The following CDH13 variants were observed in gnomAD, a reference collection of about 807,000 sequenced individuals.
The protein encoded by CDH13 is cadherin-13.
In CDH13, 24 loss-of-function variants were observed where a neutral mutation model predicts 63.8. The ratio of observed to expected loss-of-function variants is 0.38; its 90% CI spans 0.27 to 0.53. The LOEUF (loss-of-function observed/expected upper bound fraction) is 0.53, where lower values mean the gene tolerates loss of function less well. Among genes scored for constraint, CDH13 ranks in the 20% least tolerant of loss-of-function variants. CDH13 has a pLI of 0.85. For missense variants in CDH13, 1,049 were observed against 903.1 expected (o/e 1.16, Z -2.07); for synonymous variants, 503 against 355.3 (o/e 1.42, Z -4.67).
intron 2 of CDH13, among the ~76,000 whole-genome samples, chr16:82,860,323 G>A (rs2039885127): frequency 6.9e-6 from 1 of 144,794 alleles, no homozygotes; most frequent in African/African-American, 2.6e-5. Flanking sequence ...ATACTTTGGG[G>A]GGATCTTTTT....
chr16:83,315,978 A>T (rs918259567), intron 5 of CDH13, among the ~76,000 whole-genome samples: 7 of 152,232 alleles, frequency 4.6e-5, no homozygotes, highest in African/African-American at 1.7e-4. Context: ...TGGGTAATTT[A>T]TAAAGGAAAG....
chr16:83,163,436 C>T (rs372498371), intron 4 of CDH13, among the ~76,000 whole-genome samples: 42 of 152,136 alleles, frequency 2.8e-4, no homozygotes, highest in African/African-American at 9.6e-4. Flanking sequence ...AATTGTGAAC[C>T]GCCCGCTAAC....
At chr16:83,390,881 G>A (rs1414067514) in intron 6 of CDH13, among the ~76,000 whole-genome samples, 1 of 152,198 alleles carries the variant, frequency 6.6e-6, no homozygotes, top group Admixed American at 6.5e-5. Flanking sequence ...ACTGAGCAGA[G>A]GCCAGTCAAA....
At position 83,521,618 on chromosome 16, in the gene CDH13, T is replaced by C. The variant is rs79220640; in HGVS notation, c.960+34963T>C. On this transcript the variant is annotated intron_variant, in intron 7 of 13. Transcript: ENST00000567109. ...AGTCTTAGAAATATTGATGTGATCATTGGCAAATGCAGATGGATATTAGAG... is the reference window on the plus strand; with the variant it reads ...AGTCTTAGAAATATTGATGTGATCACTGGCAAATGCAGATGGATATTAGAG... Among the ~76,000 whole-genome samples the C allele has an allele frequency of 4.0e-3, 611 of 152,328 alleles. 3 individuals are homozygous for C. The highest frequency in any genetic ancestry group is 0.014 in the African/African-American group (590 of 41,574).
intron 1 of CDH13, among the ~76,000 whole-genome samples, chr16:82,855,142 C>T (rs996443127): frequency 6.6e-6 from 1 of 152,156 alleles, no homozygotes; most frequent in Non-Finnish European, 1.5e-5. Context: ...GCCTTTGGGG[C>T]TTCTCCTACT....
At chr16:82,905,766 T>A (rs1287789396) in intron 2 of CDH13, among the ~76,000 whole-genome samples, 1 of 152,196 alleles carries the variant, frequency 6.6e-6, no homozygotes, top group Non-Finnish European at 1.5e-5. Flanking sequence ...TTTGACCTTT[T>A]TGTACTAAGT....
intron 10 of CDH13, among the ~76,000 whole-genome samples, chr16:83,706,063 C>G (rs1160341122): frequency 1.3e-5 from 2 of 152,182 alleles, no homozygotes; most frequent in African/African-American, 4.8e-5. Context: ...TGGGAGCAGC[C>G]TATCTCTGTG....
At position 83,066,149 on chromosome 16, in the gene CDH13, A is replaced by C. The variant is rs187163889; in HGVS notation, c.366+33931A>C. On this transcript the variant is annotated intron_variant, in intron 3 of 13. Coordinates refer to ENST00000567109, the MANE Select transcript of CDH13 (RefSeq NM_001257.5). ...CTTCTAAAACTAGATATGAAATTTGAATGTGGCACCTGTCTATAATTTGTA... is the reference window on the plus strand; with the variant it reads ...CTTCTAAAACTAGATATGAAATTTGCATGTGGCACCTGTCTATAATTTGTA... Among the ~76,000 whole-genome samples, 109 of 152,322 alleles carry C rather than the reference A, an allele frequency of 7.2e-4. 1 individual carries two copies. The East Asian group carries it at 0.02, about 28-fold the overall frequency.
chr16:82,988,234 A>C (rs1911198759), intron 2 of CDH13, among the ~76,000 whole-genome samples: 1 of 152,204 alleles, frequency 6.6e-6, no homozygotes, highest in Admixed American at 6.5e-5. Flanking sequence ...GAGCACGCAC[A>C]CACGTGTTCT....
In CDH13 at chr16:83,191,530, CATATAT is replaced by C. The variant is rs71376303; in HGVS notation, c.484-25793_484-25788del. On this transcript the variant is annotated intron_variant, in intron 4 of 13. Transcript: ENST00000567109. ...ACACACACACACACACACACACACA[CATATAT>C]ATATATATATATATATATATACACA... Among the ~76,000 whole-genome samples, 285 of 74,374 alleles carry C rather than the reference CATATAT, an allele frequency of 3.8e-3. 2 individuals carry two copies. Among genetic ancestry groups the C allele is most frequent in the South Asian group, 0.011 (17 of 1,582 alleles). 48.8% of individuals were successfully genotyped at this position (74,374 alleles called of 152,430 possible).
chr16:83,331,320 C>G (rs1445239881), intron 5 of CDH13, among the ~76,000 whole-genome samples: 1 of 152,184 alleles, frequency 6.6e-6, no homozygotes, highest in African/African-American at 2.4e-5. Flanking sequence ...CATTGAGACT[C>G]TTTTTATAAT....
chr16:83,561,024 T>G (rs57351104), intron 7 of CDH13, among the ~76,000 whole-genome samples: 16,712 of 151,908 alleles, frequency 0.11, 1,329 homozygotes, highest in African/African-American at 0.21. Flanking sequence ...TTTCTGGAGG[T>G]TTTTCTTAAT....
chr16:83,283,425 T>C lies in CDH13; in HGVS notation c.637-61437T>C, dbSNP rs1245041779. On this transcript the variant is annotated intron_variant, in intron 5 of 13. Coordinates refer to ENST00000567109, the MANE Select transcript of CDH13 (RefSeq NM_001257.5). ...GGCCAACATGGTGAAACCCTGTCTC[T>C]ACTAAAATTACAAAAATTAGCTGGG... 2.6e-5 allele frequency among the ~76,000 whole-genome samples: 4 copies of C among 152,260 alleles called. No homozygotes were observed. The East Asian group carries it at 7.7e-4, about 29-fold the overall frequency.
chr16:83,147,378 T>A (rs923768237), intron 4 of CDH13, among the ~76,000 whole-genome samples: 20 of 152,182 alleles, frequency 1.3e-4, no homozygotes, highest in Admixed American at 5.2e-4. Context: ...CCTGCACCCT[T>A]GCATCTCCTA....
intron 12 of CDH13, among the ~76,000 whole-genome samples, chr16:83,782,736 GAA>G (rs3055230): frequency 0.26 from 25,789 of 98,772 alleles, 2,987 homozygotes; most frequent in East Asian, 0.64. Context: ...ACCCTGTCTC[GAA>G]AAAAAAAAAA....
At chr16:82,935,086 C>G (rs981825039) in intron 2 of CDH13, among the ~76,000 whole-genome samples, 3 of 152,176 alleles carry the variant, frequency 2.0e-5, no homozygotes, top group Admixed American at 1.3e-4. Context: ...ATACCTGAGA[C>G]TGGGTGATTT....
At chr16:83,420,613 C>G (rs1047635676) in intron 6 of CDH13, among the ~76,000 whole-genome samples, 1 of 152,114 alleles carries the variant, frequency 6.6e-6, no homozygotes, top group African/African-American at 2.4e-5. Flanking sequence ...TGCAGAGGGA[C>G]AGAGCTAATA....
chr16:82,765,581 A>T (rs530672566), intron 1 of CDH13, among the ~76,000 whole-genome samples: 1 of 152,330 alleles, frequency 6.6e-6, no homozygotes, highest in Admixed American at 6.5e-5. Context: ...ACGGGTATTT[A>T]TGATGAGAAA....
At chr16:83,258,517 A>C (rs758805169) in intron 5 of CDH13, among the ~76,000 whole-genome samples, 1 of 152,228 alleles carries the variant, frequency 6.6e-6, no homozygotes, top group Non-Finnish European at 1.5e-5. Context: ...AGAGGAAGGC[A>C]CTCTGTGAAA....
Sources: allele counts gnomAD v4.1 joint callset (sites outside exome capture counted in the v4.1 genomes callset), GRCh38; gene constraint gnomAD v4.1.1; transcripts MANE v1.5; gene names NCBI Gene and HGNC (gene_info 2026-07-23, HGNC 2026-07-21).